Variants in PPP6R3 observed in about 807,000 individuals in gnomAD.
PPP6R3 encodes the protein protein phosphatase 6 regulatory subunit 3, also known as serine/threonine-protein phosphatase 6 regulatory subunit 3.
In PPP6R3, 38 loss-of-function variants were observed where a neutral mutation model predicts 110.7. The observed-to-expected ratio is 0.34, with a 90% CI of 0.26 to 0.45. The LOEUF (loss-of-function observed/expected upper bound fraction) is 0.45. PPP6R3 is among the 20% of genes least tolerant of loss of function. The pLI is 1.00. For synonymous variants in PPP6R3, 369 were observed against 373.5 expected (o/e 0.99, Z 0.14); for missense variants, 870 against 1,062.4 (o/e 0.82, Z 2.52).
chr11:68,595,331 T>C (rs1475373585), intron 18 of PPP6R3, among the ~76,000 whole-genome samples: 1 of 146,962 alleles, frequency 6.8e-6, no homozygotes, highest in Non-Finnish European at 1.5e-5. Flanking sequence ...TTCTCCTGCC[T>C]CAGCCTCTGG....
At chr11:68,473,698 C>T (rs116146539) in intron 1 of PPP6R3, among the ~76,000 whole-genome samples, 1,567 of 152,310 alleles carry the variant, frequency 0.01, 21 homozygotes, top group African/African-American at 0.036. Flanking sequence ...GGAGGACACC[C>T]ACCTGGTGTC....
At chr11:68,466,600 G>A (rs921088218) in intron 1 of PPP6R3, among the ~76,000 whole-genome samples, 1 of 151,296 alleles carries the variant, frequency 6.6e-6, no homozygotes, top group Non-Finnish European at 1.5e-5. Context: ...CACCATGCCC[G>A]GCTAATTTTT....
Position 68,502,097 on chromosome 11 carries a change from A to G in PPP6R3, c.-157-17404A>G, listed in dbSNP as rs909321435. On this transcript the variant is annotated intron_variant, in intron 1 of 23. Transcript: ENST00000393800. ...TAAAGATGATGGACATGGTGCTGGT[A>G]CCCTCATGAAATGCTCAGGACAGTG... Among the ~76,000 whole-genome samples the G allele has an allele frequency of 7.9e-5, 12 of 152,326 alleles. No individual in the cohort carries two copies. In the Middle Eastern group the frequency reaches 0.01, roughly 130 times the overall value.
At chr11:68,584,152 ACAG>A (rs756509586) in intron 15 of PPP6R3, among the ~76,000 whole-genome samples, 1 of 152,208 alleles carries the variant, frequency 6.6e-6, no homozygotes, top group Non-Finnish European at 1.5e-5. Flanking sequence ...TCTGCCTTTG[ACAG>A]CAGATTTCCG....
chr11:68,527,973 A>T (rs1433387400), intron 2 of PPP6R3, among the ~76,000 whole-genome samples: 1 of 152,126 alleles, frequency 6.6e-6, no homozygotes, highest in Non-Finnish European at 1.5e-5. Context: ...GGCTCAACTT[A>T]GGCTTGATAT....
At chr11:68,461,590 G>C (rs2098708318) in intron 1 of PPP6R3, among the ~76,000 whole-genome samples, 2 of 152,090 alleles carry the variant, frequency 1.3e-5, no homozygotes, top group South Asian at 2.1e-4. Flanking sequence ...TTGAGGTCCT[G>C]CTGGCTGTGA....
At chr11:68,579,162 T>TGGGTG (rs2099543500) in intron 14 of PPP6R3, among the ~76,000 whole-genome samples, 1 of 152,206 alleles carries the variant, frequency 6.6e-6, no homozygotes, top group Non-Finnish European at 1.5e-5. Context: ...AACCTGAAAG[T>TGGGTG]GGGTGTTTCT....
At chr11:68,480,377 T>C (rs971753117) in intron 1 of PPP6R3, among the ~76,000 whole-genome samples, 3 of 152,252 alleles carry the variant, frequency 2.0e-5, no homozygotes, top group Non-Finnish European at 4.4e-5. Context: ...AGCAAATATT[T>C]ATTGAGCTCT....
intron 18 of PPP6R3, among the ~76,000 whole-genome samples, chr11:68,592,309 C>T (rs149626251): frequency 1.2e-4 from 19 of 152,326 alleles, no homozygotes; most frequent in African/African-American, 4.3e-4. Flanking sequence ...ATTTGAACAA[C>T]AGCTGAACTT....
In PPP6R3 at chr11:68,591,561, C is replaced by T. The variant is rs1477297839; in HGVS notation, c.1786-15C>T. The T allele has an allele frequency of 7.0e-6, 11 of 1,567,956 alleles. No homozygotes were observed. The Admixed American group carries it at 8.0e-5, about 11-fold the overall frequency. ...AAATTTATTTTGTTGTTTTTTTCCT[C>T]TCATTTTTATTTAGGGAAATATTGC... On this transcript the variant is annotated splice_polypyrimidine_tract_variant and intron_variant, in intron 17 of 23. Transcript: ENST00000393800.
At chr11:68,553,639 A>G (rs1327400020) in intron 6 of PPP6R3, among the ~76,000 whole-genome samples, 4 of 151,992 alleles carry the variant, frequency 2.6e-5, no homozygotes, top group East Asian at 3.9e-4. Context: ...GCATCCTTCT[A>G]TGCTGATAAG....
At chr11:68,607,706 G>C (rs1940973400) in intron 22 of PPP6R3, among the ~76,000 whole-genome samples, 1 of 152,030 alleles carries the variant, frequency 6.6e-6, no homozygotes, top group South Asian at 2.1e-4. Flanking sequence ...TATCTCATCT[G>C]TCTGTCATCT....
chr11:68,492,351 C>G (rs1018042861), intron 1 of PPP6R3, among the ~76,000 whole-genome samples: 2 of 152,092 alleles, frequency 1.3e-5, no homozygotes, highest in African/African-American at 2.4e-5. Flanking sequence ...TGAGGTCTTG[C>G]TATGTTGCCC....
chr11:68,473,049 T>C (rs1324682058), intron 1 of PPP6R3, among the ~76,000 whole-genome samples: 1 of 152,256 alleles, frequency 6.6e-6, no homozygotes, highest in East Asian at 1.9e-4. Flanking sequence ...CTTGGCATAG[T>C]TTCCGGGCAT....
chr11:68,601,637 C>T (rs1279761899), intron 20 of PPP6R3, among the ~76,000 whole-genome samples: 1 of 152,202 alleles, frequency 6.6e-6, no homozygotes, highest in African/African-American at 2.4e-5. Flanking sequence ...CCCTGTCTTA[C>T]TGCCTTGCTG....
chr11:68,508,867 T>C (rs1202367549), intron 1 of PPP6R3, among the ~76,000 whole-genome samples: 1 of 151,784 alleles, frequency 6.6e-6, no homozygotes, highest in African/African-American at 2.4e-5. Flanking sequence ...TGTATGACTG[T>C]TGAGAAAAAT....
chr11:68,558,500 C>G (rs2153723506), intron 7 of PPP6R3, 66 bp from the exon 8 acceptor site: 53 of 1,033,482 alleles, frequency 5.1e-5, no homozygotes, highest in Non-Finnish European at 1.9e-5. Context: ...GTACCGTCGT[C>G]TTTTTTTCTG....
rs566852299 is a variant in PPP6R3, at chr11:68,569,859, G to T, written c.1240G>T (p.Asp414Tyr). The T allele has an allele frequency of 1.7e-5, 27 of 1,611,800 alleles. No individual in the cohort carries two copies. The South Asian group carries it at 2.9e-4, about 17-fold the overall frequency. Residue 414 changes from aspartate (D) to tyrosine (Y), a missense_variant, in exon 11 of 24, where the codon GAT becomes TAT. Coordinates refer to ENST00000393800, the MANE Select transcript of PPP6R3 (RefSeq NM_001164161.2). ...FENTENATIT[D>Y]QDSTGDNLLL... Reference sequence around the variant, plus strand: ...AAACACAGAAAATGCCACAATTACCGATCAAGACTCCACTGGTGATAATTT... The same window carrying T: ...AAACACAGAAAATGCCACAATTACCTATCAAGACTCCACTGGTGATAATTT...
chr11:68,590,804 TG>T, intron 17 of PPP6R3, 90 bp downstream of exon 17: 4 of 1,368,566 alleles, frequency 2.9e-6, no homozygotes, highest in Non-Finnish European at 3.9e-6. Flanking sequence ...CTGGGACCCC[TG>T]TGCTCTAGAG....
Sources: allele counts gnomAD v4.1 joint callset (sites outside exome capture counted in the v4.1 genomes callset), GRCh38; gene constraint gnomAD v4.1.1; transcripts MANE v1.5; gene names NCBI Gene and HGNC (gene_info 2026-07-23, HGNC 2026-07-21).